SYT9: variants seen among roughly 807,000 people sequenced by gnomAD.
SYT9 encodes the protein synaptotagmin-9.
Under a neutral mutation model 48.4 loss-of-function variants are expected in SYT9, and 22 were observed. The observed-to-expected ratio is 0.45, with a 90% confidence interval of 0.32 to 0.65. The LOEUF (loss-of-function observed/expected upper bound fraction) is 0.65. SYT9 is among the 30% of genes least tolerant of loss of function. SYT9 has a pLI of 0.03. For missense variants in SYT9, 577 were observed against 622.0 expected (o/e 0.93, Z 0.77); for synonymous variants, 265 against 245.0 (o/e 1.08, Z -0.76).
At chr11:7,455,938 A>G (rs915105018) in intron 6 of SYT9, among the ~76,000 whole-genome samples, 4 of 152,222 alleles carry the variant, frequency 2.6e-5, no homozygotes, top group Admixed American at 6.5e-5. Context: ...CCAAGAAGGA[A>G]GTCACCCACT....
intron 5 of SYT9, among the ~76,000 whole-genome samples, chr11:7,419,612 C>T (rs1045006687): frequency 1.3e-5 from 2 of 152,120 alleles, no homozygotes; most frequent in African/African-American, 4.8e-5. Flanking sequence ...AAATATTAGC[C>T]TTGGCCGGGC....
intron 5 of SYT9, among the ~76,000 whole-genome samples, chr11:7,418,502 G>A (rs10743023): frequency 0.68 from 102,711 of 152,096 alleles, 36,194 homozygotes; most frequent in Middle Eastern, 0.8. Context: ...TTCATTGGAA[G>A]GATTCCACTC....
chr11:7,435,236 TGCTC>T (rs1435843883), intron 6 of SYT9: 2 of 152,244 alleles, frequency 1.3e-5, no homozygotes, highest in African/African-American at 4.8e-5. Context: ...ATGAGAAACT[TGCTC>T]GCTGTTATAG....
chr11:7,453,554 T>C (rs1230853510), intron 6 of SYT9, among the ~76,000 whole-genome samples: 3 of 152,130 alleles, frequency 2.0e-5, no homozygotes, highest in South Asian at 4.1e-4. Flanking sequence ...GCAAATTGCA[T>C]ACAGTTGAAC....
chr11:7,439,773 C>T (rs1268295278), intron 6 of SYT9: 1 of 152,200 alleles, frequency 6.6e-6, no homozygotes, highest in Non-Finnish European at 1.5e-5. Context: ...CAACTTCACC[C>T]CTAATATCTG....
intron 1 of SYT9, among the ~76,000 whole-genome samples, chr11:7,240,870 A>T (rs546812081): frequency 1.3e-5 from 2 of 152,256 alleles, no homozygotes; most frequent in South Asian, 2.1e-4. Context: ...AAAACTCATT[A>T]TCTAAACTTG....
chr11:7,275,546 T>G (rs996692273), intron 1 of SYT9, among the ~76,000 whole-genome samples: 5 of 152,218 alleles, frequency 3.3e-5, no homozygotes, highest in African/African-American at 1.2e-4. Flanking sequence ...TTTATATTAC[T>G]GTGACCCATT....
chr11:7,351,074 G>A (rs1221683995), intron 3 of SYT9, among the ~76,000 whole-genome samples: 4 of 152,084 alleles, frequency 2.6e-5, no homozygotes, highest in African/African-American at 9.7e-5. Flanking sequence ...TAAAGTCCTG[G>A]TCCTACATAA....
chr11:7,369,118 A>G (rs952609486), intron 3 of SYT9, among the ~76,000 whole-genome samples: 5 of 152,154 alleles, frequency 3.3e-5, no homozygotes, highest in African/African-American at 1.2e-4. Flanking sequence ...AAGCATTCCT[A>G]TTTCTCCACA....
chr11:7,409,518 G>A (rs1419616233), intron 3 of SYT9, among the ~76,000 whole-genome samples: 1 of 152,134 alleles, frequency 6.6e-6, no homozygotes, highest in East Asian at 1.9e-4. Flanking sequence ...TCTTTCTTGG[G>A]AGACTTTGTA....
chr11:7,265,463 T>C (rs1848161356), intron 1 of SYT9, among the ~76,000 whole-genome samples: 1 of 152,130 alleles, frequency 6.6e-6, no homozygotes, highest in African/African-American at 2.4e-5. Flanking sequence ...CAAGATTGAC[T>C]AAGTCAGCCT....
intron 3 of SYT9, among the ~76,000 whole-genome samples, chr11:7,329,660 C>A (rs929357802): frequency 4.6e-5 from 7 of 152,202 alleles, no homozygotes; most frequent in African/African-American, 1.7e-4. Flanking sequence ...ACAAAACCAT[C>A]CTCACACTCA....
chr11:7,454,336 CTGCTG>C, intron 6 of SYT9: 3 of 981,540 alleles, frequency 3.1e-6, no homozygotes, highest in Non-Finnish European at 3.6e-6. Context: ...TTTCCGCTCT[CTGCTG>C]CACTCCAGGC....
rs1214839468 is a variant in SYT9 at position 7,293,340 on chromosome 11, ACTT to A, written c.146-9695_146-9693del. Among the ~76,000 whole-genome samples, 25 of 152,158 alleles carry A rather than the reference ACTT, an allele frequency of 1.6e-4. No homozygotes were observed. In the South Asian group the frequency reaches 5.0e-3, roughly 30 times the overall value. On this transcript the variant is annotated intron_variant, in intron 1 of 6. Coordinates refer to ENST00000318881, the MANE Select transcript of SYT9 (RefSeq NM_175733.4). ...TCCAATTCATTTTACTAGCCCTCAA[ACTT>A]CTTATATTTAAGGCAGCAGAGTGCT...
intron 2 of SYT9, among the ~76,000 whole-genome samples, chr11:7,307,693 G>T (rs924641665): frequency 6.6e-6 from 1 of 152,238 alleles, no homozygotes; most frequent in Non-Finnish European, 1.5e-5. Flanking sequence ...TGCATAAGAT[G>T]CATGGGACAG....
At chr11:7,411,056 T>C (rs759200911) in intron 3 of SYT9, among the ~76,000 whole-genome samples, 2 of 152,184 alleles carry the variant, frequency 1.3e-5, no homozygotes, top group Non-Finnish European at 2.9e-5. Flanking sequence ...GGTTTCACCA[T>C]GTTGGCCAGG....
intron 6 of SYT9, among the ~76,000 whole-genome samples, chr11:7,455,643 T>G (rs895442353): frequency 6.6e-6 from 1 of 152,146 alleles, no homozygotes; most frequent in African/African-American, 2.4e-5. Context: ...CTGGCTCATT[T>G]AAGCTAATTC....
At chr11:7,360,591 G>A (rs1456047342) in intron 3 of SYT9, among the ~76,000 whole-genome samples, 4 of 151,968 alleles carry the variant, frequency 2.6e-5, no homozygotes, top group Non-Finnish European at 5.9e-5. Flanking sequence ...TGGATTCCTA[G>A]GTATTTTATT....
intron 3 of SYT9, among the ~76,000 whole-genome samples, chr11:7,392,853 G>A (rs1846658905): frequency 2.0e-5 from 3 of 151,926 alleles, no homozygotes; most frequent in Admixed American, 1.3e-4. Context: ...TTTTTTGTGT[G>A]TGTGTGTATT....
Sources: allele counts gnomAD v4.1 joint callset (sites outside exome capture counted in the v4.1 genomes callset), GRCh38; gene constraint gnomAD v4.1.1; transcripts MANE v1.5; gene names NCBI Gene and HGNC (gene_info 2026-07-23, HGNC 2026-07-21).